IVD: variants seen among roughly 807,000 people sequenced by gnomAD.
IVD encodes isovaleryl-CoA dehydrogenase, also known as isovaleryl-CoA dehydrogenase, mitochondrial.
A neutral mutation model predicts 51.3 loss-of-function variants in IVD; 31 were observed. That is an observed-to-expected ratio of 0.60 (90% CI 0.45 to 0.81). The LOEUF is 0.81. IVD is among the 40% of genes least tolerant of loss of function. IVD has a pLI of 0.00. For synonymous variants in IVD, 205 were observed against 219.4 expected (o/e 0.93, Z 0.58); for missense variants, 475 against 552.0 (o/e 0.86, Z 1.40).
chr15:40,428,915 T>G (rs529320732), downstream of IVD, among the ~76,000 whole-genome samples: 3 of 152,236 alleles, frequency 2.0e-5, no homozygotes, highest in East Asian at 3.9e-4. Context: ...GAGCTCACAT[T>G]GTGTGGATCC....
chr15:40,408,936 C>T lies in IVD; in HGVS notation c.286+946C>T, dbSNP rs182406941. Among the ~76,000 whole-genome samples, 116 of 151,428 alleles carry T rather than the reference C, an allele frequency of 7.7e-4. 1 individual carries two copies. Among genetic ancestry groups the T allele is most frequent in the African/African-American group, 2.7e-3 (112 of 41,210 alleles). The stretch of plus-strand genomic sequence containing the variant: ...CTGCACTCCAGCCTGGGCAACGGAG[C>T]GAAACTCCGTTTCAAAAAAAAAAGC... On this transcript the variant is annotated intron_variant, in intron 3 of 11. Coordinates refer to ENST00000487418, the MANE Select transcript of IVD (RefSeq NM_002225.5).
chr15:40,408,928 C>T (rs1373874046), intron 3 of IVD, among the ~76,000 whole-genome samples: 3 of 151,574 alleles, frequency 2.0e-5, no homozygotes, highest in African/African-American at 7.3e-5. Flanking sequence ...CCAGCCTGGG[C>T]AACGGAGCGA....
At chr15:40,413,882 G>C (rs899694202) in intron 7 of IVD, among the ~76,000 whole-genome samples, 3 of 151,724 alleles carry the variant, frequency 2.0e-5, no homozygotes, top group African/African-American at 7.3e-5. Context: ...TTTTTGAGAT[G>C]GAGTGTCGCT....
chr15:40,427,329 G>A (rs554048573), downstream of IVD, among the ~76,000 whole-genome samples: 195 of 152,344 alleles, frequency 1.3e-3, no homozygotes, highest in African/African-American at 4.2e-3. Context: ...ACATGCATAC[G>A]TCTGCACACA....
rs1034862211 is a variant in IVD, at chr15:40,418,827, G to A, written c.*564G>A. The A allele has an allele frequency of 6.9e-5, 69 of 1,004,872 alleles. No homozygotes were observed. Among genetic ancestry groups the A allele is most frequent in the Non-Finnish European group, 8.3e-5 (67 of 811,780 alleles). 62.2% of individuals were successfully genotyped at this position (1,004,872 alleles called of 1,614,324 possible). On this transcript the variant is annotated 3_prime_UTR_variant, in exon 12 of 12. Coordinates refer to ENST00000487418, the MANE Select transcript of IVD (RefSeq NM_002225.5). ...TTCAACTTTCAGTCTCTTTTCTGGG[G>A]GAAAAAAATAATAAACCTAGCCTAG... is the stretch of plus-strand genomic sequence containing the variant.
At chr15:40,433,703 A>G (rs1468418032) in intron 7 of IVD, among the ~76,000 whole-genome samples, 1 of 152,236 alleles carries the variant, frequency 6.6e-6, no homozygotes, top group Non-Finnish European at 1.5e-5. Context: ...GTATTTATCC[A>G]TTCAGTTTCT....
rs774310509 is a variant in IVD at position 40,407,652 on chromosome 15, C to A, written c.161C>A (p.Ala54Asp). 1 of 1,614,170 alleles carries A rather than the reference C, an allele frequency of 6.2e-7. No individual in the cohort carries two copies. Among genetic ancestry groups the A allele is most frequent in the South Asian group, 1.1e-5 (1 of 91,082 alleles). Reference sequence around the variant, plus strand: ...TCCTATTAGCTTCGTCAGACCATGGCTAAGTTCCTTCAGGAGCACCTGGCC... The same window carrying A: ...TCCTATTAGCTTCGTCAGACCATGGATAAGTTCCTTCAGGAGCACCTGGCC... Reference protein sequence around the residue: ...EEQRQLRQTMAKFLQEHLAPK... With the variant: ...EEQRQLRQTMDKFLQEHLAPK... The change falls in exon 2 of 12, where the codon GCT (alanine) becomes GAT (aspartate). Residue 54 changes from alanine (A) to aspartate (D), a missense_variant. Coordinates refer to ENST00000487418, the MANE Select transcript of IVD (RefSeq NM_002225.5).
intron 3 of IVD, among the ~76,000 whole-genome samples, chr15:40,408,491 G>C (rs931728594): frequency 6.6e-6 from 1 of 152,178 alleles, no homozygotes; most frequent in Non-Finnish European, 1.5e-5. Context: ...GAGTAGGGTA[G>C]GGGCTGGGCA....
At position 40,418,461 on chromosome 15, in the gene IVD, C is replaced by G. The variant is rs1891955125; in HGVS notation, c.*198C>G. 1 of 1,448,744 alleles carries G rather than the reference C, an allele frequency of 6.9e-7. No homozygotes were observed. The highest frequency in any genetic ancestry group is 9.1e-7 in the Non-Finnish European group (1 of 1,101,668). 89.7% of individuals were successfully genotyped at this position (1,448,744 alleles called of 1,614,324 possible). Reference sequence around the variant, plus strand: ...CCTCGCAGCCGGGCCTGTGCCACGGCTAGTGTTGTGTGATTTAAAATGGAC... The same window carrying G: ...CCTCGCAGCCGGGCCTGTGCCACGGGTAGTGTTGTGTGATTTAAAATGGAC... On this transcript the variant is annotated 3_prime_UTR_variant, in exon 12 of 12. Coordinates refer to ENST00000487418, the MANE Select transcript of IVD (RefSeq NM_002225.5).
Position 40,414,989 on chromosome 15 carries a change from G to A in IVD, c.878+7G>A, listed in dbSNP as rs1320091526. ...TGGCCGGGGGGCCTCTTGGGTAAGT[G>A]TGAGAGGCTTGAGGGAAGCTGGGCT... On this transcript the variant is annotated splice_region_variant and intron_variant, in intron 8 of 11. Coordinates refer to ENST00000487418, the MANE Select transcript of IVD (RefSeq NM_002225.5). 3 of 1,613,494 alleles carry A rather than the reference G, an allele frequency of 1.9e-6. No homozygotes were observed. In the Admixed American group the frequency reaches 5.0e-5, roughly 27 times the overall value.
At position 40,421,219 on chromosome 15, in the gene IVD, C is replaced by G; in HGVS notation, c.*2956C>G. 1.0e-6 allele frequency: 1 copy of G among 985,454 alleles called. No homozygotes were observed. Among genetic ancestry groups the G allele is most frequent in the Non-Finnish European group, 1.2e-6 (1 of 829,942 alleles). 61.0% of individuals were successfully genotyped at this position (985,454 alleles called of 1,614,324 possible). On this transcript the variant is annotated 3_prime_UTR_variant, in exon 12 of 12. Coordinates refer to ENST00000487418, the MANE Select transcript of IVD (RefSeq NM_002225.5). ...GCGCTTCATCCAGTCTGTCTAAGCCCTGTCGACTTGGGGAGGTGATTTCTT... is the reference window on the plus strand; with the variant it reads ...GCGCTTCATCCAGTCTGTCTAAGCCGTGTCGACTTGGGGAGGTGATTTCTT...
In IVD at chr15:40,418,222, C is replaced by T. The variant is rs1237032588; in HGVS notation, c.1231C>T (p.Arg411Trp). The T allele has an allele frequency of 3.1e-6, 5 of 1,614,096 alleles. No homozygotes were observed. Among genetic ancestry groups the T allele is most frequent in the African/African-American group, 1.3e-5 (1 of 74,932 alleles). Residue 411 changes from arginine (R) to tryptophan (W), a missense_variant, in exon 12 of 12, where the codon CGG becomes TGG. Arg to Trp is a moderately radical substitution (Grantham distance 101). Coordinates refer to ENST00000487418, the MANE Select transcript of IVD (RefSeq NM_002225.5). ...EIGAGTSEVR[R>W]LVIGRAFNAD... Reference sequence around the variant, plus strand: ...AGGGGCTGGGACCAGCGAGGTGAGGCGGCTGGTCATCGGCAGAGCCTTCAA... The same window carrying T: ...AGGGGCTGGGACCAGCGAGGTGAGGTGGCTGGTCATCGGCAGAGCCTTCAA...
intron 6 of IVD, 103 bp from the exon 7 acceptor site, chr15:40,412,888 G>A: frequency 2.4e-6 from 2 of 848,590 alleles, no homozygotes; most frequent in South Asian, 2.8e-5. Flanking sequence ...GCAGGTACAG[G>A]GACTCAATAG....
chr15:40,421,309 C>T, downstream of IVD: 3 of 985,380 alleles, frequency 3.0e-6, no homozygotes, highest in Non-Finnish European at 2.4e-6. Flanking sequence ...ACAAAATGAA[C>T]CATGCAGCCT....
chr15:40,406,722 C>T (rs1471308333), intron 1 of IVD, among the ~76,000 whole-genome samples: 1 of 152,156 alleles, frequency 6.6e-6, no homozygotes, highest in Non-Finnish European at 1.5e-5. Flanking sequence ...ATGGAGTTGG[C>T]GGAGGTATGA....
intron 6 of IVD, chr15:40,412,662 G>A (rs561393947): frequency 1.4e-4 from 54 of 372,618 alleles, no homozygotes; most frequent in African/African-American, 1.1e-3. Context: ...TGACCGGGCT[G>A]GTGACAGTGT....
At position 40,407,440 on chromosome 15, in the gene IVD, T is replaced by G. The variant is rs74011151; in HGVS notation, c.145-196T>G. ...TATGTAAAGTGTGACGTTTTAAAAA[T>G]TACCATCAAGCTGTCTAGGCTGAAG... On this transcript the variant is annotated intron_variant, in intron 1 of 11. Coordinates refer to ENST00000487418, the MANE Select transcript of IVD (RefSeq NM_002225.5). Among the ~76,000 whole-genome samples the G allele has an allele frequency of 1.1e-3, 163 of 152,300 alleles. 2 individuals carry two copies. Among genetic ancestry groups the G allele is most frequent in the African/African-American group, 3.8e-3 (159 of 41,568 alleles).
At chr15:40,417,490 A>G (rs1891833093) in intron 11 of IVD, among the ~76,000 whole-genome samples, 1 of 149,384 alleles carries the variant, frequency 6.7e-6, no homozygotes, top group African/African-American at 2.5e-5. Context: ...CCTAGGCCAC[A>G]GAGCATGACT....
downstream of IVD, among the ~76,000 whole-genome samples, chr15:40,422,531 C>T (rs1167176893): frequency 6.8e-6 from 1 of 146,638 alleles, no homozygotes; most frequent in Non-Finnish European, 1.5e-5. Context: ...GATCTACCCA[C>T]CTCGGCCTCC....
Sources: gnomAD v4.1 joint callset for allele counts (sites outside exome capture counted in the v4.1 genomes callset) on GRCh38, gnomAD v4.1.1 for gene constraint, MANE v1.5 for transcripts, NCBI Gene and HGNC (gene_info 2026-07-23, HGNC 2026-07-21) for gene names.